Variants in RAI1 observed in about 807,000 individuals in gnomAD.
RAI1 encodes retinoic acid induced 1.
Under a neutral mutation model 123.8 loss-of-function variants are expected in RAI1, and 9 were observed. The ratio of observed to expected loss-of-function variants is 0.07; its 90% CI spans 0.04 to 0.13. RAI1 has a LOEUF of 0.13. Among genes scored for constraint, RAI1 ranks in the 10% least tolerant of loss-of-function variants. The pLI is 1.00. For synonymous variants in RAI1, 1,231 were observed against 1,127.3 expected (o/e 1.09, Z -1.84); for missense variants, 2,256 against 2,545.8 (o/e 0.89, Z 2.45).
In RAI1 at chr17:17,810,790, G is replaced by C. The variant is rs1395638243; in HGVS notation, c.*809G>C. 2.2e-6 allele frequency: 1 copy of C among 455,070 alleles called. No homozygotes were observed. Among genetic ancestry groups the C allele is most frequent in the Non-Finnish European group, 4.4e-6 (1 of 225,736 alleles). 28.2% of individuals were successfully genotyped at this position (455,070 alleles called of 1,614,324 possible). ...GAGCGCAAAACCCAAGAAGCGGCCA[G>C]AACGCACCTCCGGCTCCGGCGGACG... On this transcript the variant is annotated 3_prime_UTR_variant, in exon 6 of 6. Transcript: ENST00000353383. The surrounding 1 kb of genome is among the most constrained non-coding windows in gnomAD (Gnocchi z 4.6).
Position 17,794,601 on chromosome 17 carries a change from G to A in RAI1, c.1653G>A (p.Glu551=). 6.2e-7 allele frequency: 1 copy of A among 1,613,236 alleles called. No homozygotes were observed. Among genetic ancestry groups the A allele is most frequent in the Non-Finnish European group, 8.5e-7 (1 of 1,180,048 alleles). The change falls in exon 3 of 6, where the codon GAG becomes GAA. Residue 551 remains glutamate (E), a synonymous_variant. Transcript: ENST00000353383. ...RVNSNSKAKP[E]SVSTCSVTSP... is the part of the protein sequence containing the mutation. ...ACAGCAACTCGAAGGCCAAGCCCGAGTCCGTGTCCACCTGTTCTGTGACCT... is the reference window on the plus strand; with the variant it reads ...ACAGCAACTCGAAGGCCAAGCCCGAATCCGTGTCCACCTGTTCTGTGACCT...
At chr17:17,719,509 T>C (rs1334364520) in intron 1 of RAI1, among the ~76,000 whole-genome samples, 1 of 152,238 alleles carries the variant, frequency 6.6e-6, no homozygotes, top group African/African-American at 2.4e-5. Flanking sequence ...GTATGAGCTC[T>C]GACCACTCAG....
At chr17:17,713,708 G>A (rs561296109) in intron 1 of RAI1, among the ~76,000 whole-genome samples, 1 of 152,186 alleles carries the variant, frequency 6.6e-6, no homozygotes, top group Non-Finnish European at 1.5e-5. Context: ...TTGTCATAGG[G>A]TGAAGGGGAT....
chr17:17,750,498 G>C (rs2030112242), intron 2 of RAI1, among the ~76,000 whole-genome samples: 3 of 151,734 alleles, frequency 2.0e-5, no homozygotes, highest in Admixed American at 2.0e-4. Flanking sequence ...GAGGCGGGTG[G>C]ATCACCTGAG....
chr17:17,793,521 G>A lies in RAI1; in HGVS notation c.573G>A (p.Gln191=). Reference sequence around the variant, plus strand: ...TGGCATACCCCAAGCTCCAAAGGCAGAAGCTGCAGAACGACATTGCCTCCC... The same window carrying A: ...TGGCATACCCCAAGCTCCAAAGGCAAAAGCTGCAGAACGACATTGCCTCCC... ...QPLAYPKLQR[Q]KLQNDIASPL... Residue 191 remains glutamine (Q), a synonymous_variant, in exon 3 of 6, where the codon CAG becomes CAA. Coordinates refer to ENST00000353383, the MANE Select transcript of RAI1 (RefSeq NM_030665.4). 1 of 1,614,048 alleles carries A rather than the reference G, an allele frequency of 6.2e-7. No homozygotes were observed. Among genetic ancestry groups the A allele is most frequent in the Non-Finnish European group, 8.5e-7 (1 of 1,180,016 alleles).
Position 17,801,073 on chromosome 17 carries a change from G to A in RAI1, c.5565+2560G>A, listed in dbSNP as rs544917387. On this transcript the variant is annotated intron_variant, in intron 3 of 5. Coordinates refer to ENST00000353383, the MANE Select transcript of RAI1 (RefSeq NM_030665.4). This position sits in a 1 kb window ranked among gnomAD's most constrained non-coding sequence, Gnocchi z 4.1. ...CTCGGTACCTTGACCTCACTTTTGC[G>A]CTCTGGAGGGCAGAACCTCTGAGCC... Among the ~76,000 whole-genome samples, 2 of 152,236 alleles carry A rather than the reference G, an allele frequency of 1.3e-5. No homozygotes were observed. The highest frequency in any genetic ancestry group is 4.8e-5 in the African/African-American group (2 of 41,538).
At chr17:17,755,401 G>A (rs1183774645) in intron 2 of RAI1, among the ~76,000 whole-genome samples, 1 of 152,204 alleles carries the variant, frequency 6.6e-6, no homozygotes, top group African/African-American at 2.4e-5. Context: ...CTGGGCACTG[G>A]AACCACTTGG....
chr17:17,736,913 A>G (rs1916451388), intron 2 of RAI1, among the ~76,000 whole-genome samples: 1 of 152,174 alleles, frequency 6.6e-6, no homozygotes, highest in Non-Finnish European at 1.5e-5. Context: ...ACTTCTGAAG[A>G]TGAGGTATTT....
intron 2 of RAI1, among the ~76,000 whole-genome samples, chr17:17,731,531 A>G (rs1275426106): frequency 6.6e-6 from 1 of 152,152 alleles, no homozygotes; most frequent in African/African-American, 2.4e-5. Flanking sequence ...GTGGGAAAAG[A>G]TGGGTGCTCT....
chr17:17,706,355 A>T (rs756074745), intron 1 of RAI1, among the ~76,000 whole-genome samples: 14 of 152,194 alleles, frequency 9.2e-5, no homozygotes, highest in Non-Finnish European at 1.6e-4. Context: ...TCCCTGGGTC[A>T]TGGGGTGTGC....
At chr17:17,712,872 C>CA (rs1272391254) in intron 1 of RAI1, among the ~76,000 whole-genome samples, 1 of 152,096 alleles carries the variant, frequency 6.6e-6, no homozygotes, top group Non-Finnish European at 1.5e-5. Context: ...ACATTAAAAA[C>CA]ACACCAGCCC....
At chr17:17,787,692 A>C (rs2143000367) in intron 2 of RAI1, among the ~76,000 whole-genome samples, 1 of 152,294 alleles carries the variant, frequency 6.6e-6, no homozygotes, top group South Asian at 2.1e-4. Context: ...GTATCCCAGG[A>C]ATCGGCACCA....
chr17:17,739,733 A>G (rs2142966072), intron 2 of RAI1, among the ~76,000 whole-genome samples: 1 of 151,894 alleles, frequency 6.6e-6, no homozygotes, highest in South Asian at 2.1e-4. Flanking sequence ...CCACCACTCC[A>G]CTCTGAGCAG....
chr17:17,785,742 A>T (rs2031805326), intron 2 of RAI1, among the ~76,000 whole-genome samples: 1 of 151,724 alleles, frequency 6.6e-6, no homozygotes, highest in Admixed American at 6.6e-5. Flanking sequence ...AGCCCAGGGC[A>T]CTCGCCTTTC....
intron 2 of RAI1, among the ~76,000 whole-genome samples, chr17:17,752,437 G>A (rs1332477086): frequency 1.3e-5 from 2 of 151,868 alleles, no homozygotes; most frequent in African/African-American, 4.8e-5. Context: ...ATTAACAGGC[G>A]GGCGCGGCCG....
At chr17:17,734,237 C>T (rs1309718437) in intron 2 of RAI1, among the ~76,000 whole-genome samples, 3 of 151,880 alleles carry the variant, frequency 2.0e-5, no homozygotes, top group Non-Finnish European at 4.4e-5. Flanking sequence ...TAGCCCCCAA[C>T]GACCAAAAGG....
chr17:17,783,222 C>A (rs891453617), intron 2 of RAI1, among the ~76,000 whole-genome samples: 16 of 151,988 alleles, frequency 1.1e-4, no homozygotes, highest in Non-Finnish European at 2.4e-4. Context: ...GAGGACCGGG[C>A]CCGCCCCGGG....
intron 2 of RAI1, among the ~76,000 whole-genome samples, chr17:17,736,406 A>C (rs747791621): frequency 7.2e-5 from 11 of 152,220 alleles, no homozygotes; most frequent in Non-Finnish European, 1.0e-4. Context: ...CTCTGGGATA[A>C]GAGCAGGCCC....
Position 17,810,734 on chromosome 17 carries a change from TCCTCCACCCCACC to T in RAI1, c.*757_*769del, listed in dbSNP as rs1385389961. The T allele has an allele frequency of 1.8e-5, 8 of 441,126 alleles. No homozygotes were observed. The East Asian group carries it at 5.9e-4, about 32-fold the overall frequency. The allele number at this position is 441,126 out of a possible 1,614,324, so 27.3% of individuals were successfully genotyped here. On this transcript the variant is annotated 3_prime_UTR_variant, in exon 6 of 6. Coordinates refer to ENST00000353383, the MANE Select transcript of RAI1 (RefSeq NM_030665.4). The surrounding 1 kb of genome is among the most constrained non-coding windows in gnomAD (Gnocchi z 4.6). ...TGGCCTCTGTTTGTCCCCTTTCCAG[TCCTCCACCCCACC>T]CCTGGAGCCCAGCCTGGGAGCGCAA...
Sources: gnomAD v4.1 joint callset for allele counts (sites outside exome capture counted in the v4.1 genomes callset) on GRCh38, gnomAD v4.1.1 for gene constraint, Gnocchi (gnomAD v3.1) non-coding constraint, MANE v1.5 for transcripts, NCBI Gene and HGNC (gene_info 2026-07-23, HGNC 2026-07-21) for gene names.